Variants in SPSB3 observed in about 807,000 individuals in gnomAD.
The protein encoded by SPSB3 is splA/ryanodine receptor domain and SOCS box containing 3.
SPSB3 carries 18 observed loss-of-function variants against 29.5 expected under a neutral mutation model. That is an observed-to-expected ratio of 0.61 (90% CI 0.42 to 0.91). SPSB3 has a LOEUF of 0.91. Ranked by LOEUF, SPSB3 falls within the 40% of genes least tolerant of loss-of-function variation. The probability of loss-of-function intolerance (pLI) is 0.00; values close to 1 mark genes in which losing one functional copy is unlikely to be tolerated. For synonymous variants in SPSB3, 299 were observed against 214.1 expected (o/e 1.40, Z -3.46); for missense variants, 540 against 507.5 (o/e 1.06, Z -0.61).
intron 2 of SPSB3, 138 bp downstream of exon 2, chr16:1,781,220 C>T (rs1896695548): frequency 1.3e-6 from 2 of 1,579,534 alleles, no homozygotes; most frequent in Non-Finnish European, 1.7e-6. Context: ...GGAGACAGGC[C>T]CAGGTTTGGA....
At position 1,777,462 on chromosome 16, in the gene SPSB3, G is replaced by A. The variant is rs762913438; in HGVS notation, c.722-19C>T. ...GCCACACCTGGAAGGGAGGGGCCCA[G>A]CCTGAACCCCAGGCAGGGAAGGGGC... On this transcript the variant is annotated intron_variant, in intron 6 of 6. Coordinates refer to ENST00000566339, the MANE Select transcript of SPSB3 (RefSeq NM_080861.4). The A allele has an allele frequency of 2.7e-6, 4 of 1,479,234 alleles. No homozygotes were observed. Among genetic ancestry groups the A allele is most frequent in the East Asian group, 2.5e-5 (1 of 40,610 alleles). The allele number at this position is 1,479,234 out of a possible 1,614,324, so 91.6% of individuals were successfully genotyped here. A position where few individuals can be genotyped will look rare whatever the true frequency, so the allele number is the denominator to read the frequency against.
chr16:1,778,635 T>G, intron 2 of SPSB3, 23 bp from the exon 3 acceptor site: 1 of 1,528,014 alleles, frequency 6.5e-7, no homozygotes, highest in Non-Finnish European at 8.8e-7. Context: ...GGCCGGCTGT[T>G]ACTACCTGTT....
Position 1,777,440 on chromosome 16 carries a change from A to T in SPSB3, c.725T>A (p.Val242Glu). Residue 242 changes from valine (V) to glutamate (E), a missense_variant, in exon 7 of 7, where the codon GTG (valine) becomes GAG (glutamate). Val to Glu is a moderately radical substitution (Grantham distance 121, BLOSUM62 -2). Coordinates refer to ENST00000566339, the MANE Select transcript of SPSB3 (RefSeq NM_080861.4). ...TFFKNRKCIG[V>E]AATKLQNKRF... is the part of the protein sequence containing the mutation. ...CTTGTTCTGCAGCTTGGTGGCTGCC[A>T]CACCTGGAAGGGAGGGGCCCAGCCT... 1 of 1,512,804 alleles carries T rather than the reference A, an allele frequency of 6.6e-7. No individual in the cohort carries two copies. The highest frequency in any genetic ancestry group is 8.8e-7 in the Non-Finnish European group (1 of 1,131,718). The allele number at this position is 1,512,804 out of a possible 1,614,324, so 93.7% of individuals were successfully genotyped here. A position where few individuals can be genotyped will look rare whatever the true frequency, so the allele number is the denominator to read the frequency against.
rs775051378 is a variant in SPSB3 at position 1,781,428 on chromosome 16, C to T, written c.56G>A (p.Arg19His). Residue 19 changes from arginine (R) to histidine (H), a missense_variant, in exon 2 of 7, where the codon CGC becomes CAC. Physicochemically the swap from Arg to His is conservative, Grantham distance 29. Transcript: ENST00000566339. Reference sequence around the variant, plus strand: ...CACGGCCCGGGCATCTGCGTCTCGGCGGGCTGCACTCAGGACGAAGTGCCA... The same window carrying T: ...CACGGCCCGGGCATCTGCGTCTCGGTGGGCTGCACTCAGGACGAAGTGCCA... Reference protein sequence around the residue: ...RAWHFVLSAARRDADARAVAL... With the variant: ...RAWHFVLSAAHRDADARAVAL... 6 of 1,612,826 alleles carry T rather than the reference C, an allele frequency of 3.7e-6. No homozygotes were observed. Among genetic ancestry groups the T allele is most frequent in the Non-Finnish European group, 5.1e-6 (6 of 1,180,014 alleles).
In SPSB3 at chr16:1,777,037, A is replaced by G. The variant is rs2042724007; in HGVS notation, c.*60T>C. Reference sequence around the variant, plus strand: ...GTGGCTGGAAGGAAGGGACAGAGAAAGAAGGGACAGAGGAAAGGGGCTGTC... The same window carrying G: ...GTGGCTGGAAGGAAGGGACAGAGAAGGAAGGGACAGAGGAAAGGGGCTGTC... On this transcript the variant is annotated 3_prime_UTR_variant, in exon 7 of 7. Transcript: ENST00000566339. The G allele has an allele frequency of 3.2e-6, 5 of 1,550,456 alleles. No individual in the cohort carries two copies. The African/African-American group carries it at 5.4e-5, about 17-fold the overall frequency.
intron 2 of SPSB3, chr16:1,778,957 T>G: frequency 4.7e-6 from 1 of 211,150 alleles, no homozygotes; most frequent in Non-Finnish European, 9.4e-6. Flanking sequence ...AGGCCAGCCC[T>G]GCAGGGGCCC....
rs772109915 is a variant in SPSB3 at position 1,778,559 on chromosome 16, G to A, written c.180C>T (p.Pro60=). Residue 60 remains proline, a synonymous_variant, in exon 3 of 7, where the codon CCC becomes CCT. Transcript: ENST00000566339. ...ACTCGCCGGTCACGGGCACCGCACT[G>A]GGGATGGATGGCGGCAGCGTGGAGT... ...PEYSTLPPSI[P]SAVPVTGESF... 1 of 1,601,004 alleles carries A rather than the reference G, an allele frequency of 6.2e-7. No individual in the cohort carries two copies. The highest frequency in any genetic ancestry group is 1.1e-5 in the South Asian group (1 of 90,658).
chr16:1,780,873 C>G, intron 2 of SPSB3: 1 of 329,298 alleles, frequency 3.0e-6, no homozygotes, highest in Non-Finnish European at 5.9e-6. Context: ...GTTGGGACTA[C>G]AGGCACGTGC....
At chr16:1,781,670 C>T (rs530227511) in intron 1 of SPSB3, 175 bp from the exon 2 acceptor site, 5 of 636,420 alleles carry the variant, frequency 7.9e-6, no homozygotes, top group African/African-American at 7.4e-5. Context: ...CTGAGCAGCT[C>T]AATAAAACCC....
rs778523436 is a variant in SPSB3 at position 1,777,784 on chromosome 16, G to C, written c.684C>G (p.His228Gln). The C allele has an allele frequency of 6.2e-7, 1 of 1,612,804 alleles. No individual in the cohort carries two copies. Among genetic ancestry groups the C allele is most frequent in the Non-Finnish European group, 8.5e-7 (1 of 1,179,930 alleles). Reference protein sequence around the residue: ...SIIGVHLDTWHGTLTFFKNRK... With the variant: ...SIIGVHLDTWQGTLTFFKNRK... ...TGTTCTTGAAAAAGGTGAGTGTGCCGTGCCAGGTGTCCAGGTGCACGCCAA... is the reference window on the plus strand; with the variant it reads ...TGTTCTTGAAAAAGGTGAGTGTGCCCTGCCAGGTGTCCAGGTGCACGCCAA... Residue 228 changes from histidine (H) to glutamine (Q), a missense_variant, in exon 6 of 7, where the codon CAC becomes CAG. By Grantham distance (24) the His-to-Gln change is conservative. Coordinates refer to ENST00000566339, the MANE Select transcript of SPSB3 (RefSeq NM_080861.4).
Position 1,777,865 on chromosome 16 carries a change from G to A in SPSB3, c.603C>T (p.Leu201=), listed in dbSNP as rs1191451010. The change falls in exon 6 of 7, where the codon CTC becomes CTT. Residue 201 remains leucine (L), a synonymous_variant. Transcript: ENST00000566339. ...AGCTGGTCTTGTCGCCCTTGTGGTG[G>A]AGGAGGCCTGGGGGCAGCCAGGGTC... ...DSWGLSYTGL[L]HHKGDKTSFS... The A allele has an allele frequency of 2.5e-6, 4 of 1,612,122 alleles. No homozygotes were observed. The highest frequency in any genetic ancestry group is 2.5e-6 in the Non-Finnish European group (3 of 1,179,630).
intron 2 of SPSB3, chr16:1,780,832 A>G: frequency 3.5e-6 from 1 of 288,692 alleles, no homozygotes. Flanking sequence ...TCCCTGGCTC[A>G]AGCAATCCTC....
At chr16:1,777,695 GCCT>G in intron 6 of SPSB3, 49 bp downstream of exon 6, 4 of 1,598,574 alleles carry the variant, frequency 2.5e-6, no homozygotes, top group Non-Finnish European at 3.4e-6. Context: ...CGGGGTGGCT[GCCT>G]CCCTCGGGGT....
chr16:1,778,363 T>G (rs368103171), intron 3 of SPSB3, 42 bp from the exon 4 acceptor site: 1 of 1,610,324 alleles, frequency 6.2e-7, no homozygotes, highest in African/African-American at 1.3e-5. Context: ...GAGAGCTCCA[T>G]GGGGCTCTGC....
chr16:1,778,059 G>A lies in SPSB3; in HGVS notation c.493-11C>T, dbSNP rs761386215. The A allele has an allele frequency of 1.2e-5, 20 of 1,613,020 alleles. No individual in the cohort carries two copies. Among genetic ancestry groups the A allele is most frequent in the East Asian group, 4.5e-5 (2 of 44,880 alleles). On this transcript the variant is annotated splice_polypyrimidine_tract_variant and intron_variant, in intron 4 of 6. Coordinates refer to ENST00000566339, the MANE Select transcript of SPSB3 (RefSeq NM_080861.4). ...CCCGATGCCCACCATCTAGGAACAG[G>A]GGCCAGGCAGAGGGCGCGGGGCTGG... is the stretch of plus-strand genomic sequence containing the variant.
intron 2 of SPSB3, 197 bp from the exon 3 acceptor site, chr16:1,778,809 G>A: frequency 1.9e-6 from 1 of 534,996 alleles, no homozygotes; most frequent in Non-Finnish European, 3.1e-6. Flanking sequence ...CATTCTGCAT[G>A]ACCAGGAGGG....
intron 2 of SPSB3, chr16:1,778,988 C>G (rs1012698223): frequency 5.2e-6 from 1 of 194,170 alleles, no homozygotes; most frequent in African/African-American, 2.3e-5. Context: ...CCACCACCCC[C>G]ACACCAGGCC....
chr16:1,777,598 C>A (rs957475807), intron 6 of SPSB3, 149 bp downstream of exon 6: 37 of 1,409,982 alleles, frequency 2.6e-5, no homozygotes, highest in Non-Finnish European at 1.8e-5. Flanking sequence ...TCCAGCCTGG[C>A]CTCACTGTCC....
In SPSB3 at chr16:1,777,110, C is replaced by G. The variant is rs749980964; in HGVS notation, c.1055G>C (p.Cys352Ser). ...REPRPCQRKR[C>S]RRT ...CTGGGAAGTCAGTCAGGTCCGGCGG[C>G]AGCGCTTCCTCTGGCAGGGCCGAGG... Residue 352 changes from cysteine (C) to serine (S), a missense_variant, in exon 7 of 7, where the codon TGC becomes TCC. By Grantham distance (112) the Cys-to-Ser change is moderately radical. Coordinates refer to ENST00000566339, the MANE Select transcript of SPSB3 (RefSeq NM_080861.4). The G allele has an allele frequency of 6.2e-7, 1 of 1,611,138 alleles. No individual in the cohort carries two copies. Among genetic ancestry groups the G allele is most frequent in the South Asian group, 1.1e-5 (1 of 90,984 alleles).
Sources: gnomAD v4.1 joint callset for allele counts on GRCh38, gnomAD v4.1.1 for gene constraint, MANE v1.5 for transcripts, NCBI Gene and HGNC (gene_info 2026-07-23, HGNC 2026-07-21) for gene names.